Variants in PTPRD observed in about 807,000 individuals in gnomAD.
PTPRD encodes the protein protein tyrosine phosphatase receptor type D, also known as receptor-type tyrosine-protein phosphatase delta.
PTPRD carries 34 observed loss-of-function variants against 214.5 expected under a neutral mutation model. The ratio of observed to expected loss-of-function variants is 0.16; its 90% CI spans 0.12 to 0.21. The LOEUF (loss-of-function observed/expected upper bound fraction) is 0.21. Among genes scored for constraint, PTPRD ranks in the 10% least tolerant of loss-of-function variants. The pLI is 1.00. For missense variants in PTPRD, 2,545 were observed against 2,398.7 expected, an observed-to-expected ratio of 1.06 and a Z score of -1.27; for synonymous variants, 1,128 against 845.7, an observed-to-expected ratio of 1.33 and a Z score of -5.79.
chr9:9,877,564 T>A (rs182420024), intron 5 of PTPRD, among the ~76,000 whole-genome samples: 1 of 152,236 alleles, frequency 6.6e-6, no homozygotes, highest in East Asian at 1.9e-4. Context: ...GGAAGGAGAA[T>A]GTTTTCTGCT....
intron 14 of PTPRD, among the ~76,000 whole-genome samples, chr9:8,573,485 A>T (rs1345244041): frequency 6.6e-6 from 1 of 151,970 alleles, no homozygotes; most frequent in East Asian, 1.9e-4. Flanking sequence ...TACTCTTCAC[A>T]AGTCAGTTCA....
intron 9 of PTPRD, among the ~76,000 whole-genome samples, chr9:9,229,124 A>G (rs1458016194): frequency 6.6e-6 from 1 of 152,178 alleles, no homozygotes; most frequent in African/African-American, 2.4e-5. Flanking sequence ...TTTTTCCAGT[A>G]GAATGATATC....
chr9:9,651,840 T>TG (rs1406192713), intron 7 of PTPRD, among the ~76,000 whole-genome samples: 3 of 135,050 alleles, frequency 2.2e-5, no homozygotes, highest in Non-Finnish European at 4.8e-5. Context: ...TTTTTTTTTT[T>TG]TTTTTTTTTT....
At chr9:9,550,046 T>G (rs1016504739) in intron 8 of PTPRD, among the ~76,000 whole-genome samples, 3 of 152,048 alleles carry the variant, frequency 2.0e-5, no homozygotes, top group Non-Finnish European at 2.9e-5. Context: ...TTGCTGTGAA[T>G]ATATTTTTAA....
At chr9:10,229,243 C>A (rs1215717593) in intron 3 of PTPRD, among the ~76,000 whole-genome samples, 1 of 152,034 alleles carries the variant, frequency 6.6e-6, no homozygotes, top group Non-Finnish European at 1.5e-5. Flanking sequence ...AACACTTTTA[C>A]ACTGTTGGCG....
At chr9:10,206,058 T>A in intron 3 of PTPRD, among the ~76,000 whole-genome samples, 1 of 149,054 alleles carries the variant, frequency 6.7e-6, no homozygotes, top group African/African-American at 2.5e-5. Flanking sequence ...TATTAGAAAC[T>A]CAGAGGTATC....
intron 11 of PTPRD, among the ~76,000 whole-genome samples, chr9:8,788,971 A>G (rs2096112370): frequency 6.6e-6 from 1 of 152,148 alleles, no homozygotes; most frequent in South Asian, 2.1e-4. Flanking sequence ...AAATAACTTT[A>G]TCTAGCTATA....
intron 3 of PTPRD, among the ~76,000 whole-genome samples, chr9:10,199,347 G>T (rs747804323): frequency 4.1e-4 from 63 of 152,026 alleles, no homozygotes; most frequent in Non-Finnish European, 7.8e-4. Flanking sequence ...AATGACCTAC[G>T]TATAATGATA....
chr9:10,104,762 T>C (rs187722425), intron 3 of PTPRD, among the ~76,000 whole-genome samples: 10 of 151,908 alleles, frequency 6.6e-5, no homozygotes, highest in African/African-American at 2.2e-4. Flanking sequence ...AAATTATTTG[T>C]TCAAAAATAT....
At chr9:9,563,486 A>G (rs74917204) in intron 8 of PTPRD, among the ~76,000 whole-genome samples, 5,431 of 152,220 alleles carry the variant, frequency 0.036, 152 homozygotes, top group Middle Eastern at 0.061. Context: ...AGAAAGAAAT[A>G]TGGTGGTAGA....
chr9:9,722,311 A>T (rs937780486), intron 7 of PTPRD, among the ~76,000 whole-genome samples: 2 of 152,100 alleles, frequency 1.3e-5, no homozygotes, highest in African/African-American at 4.8e-5. Flanking sequence ...GGTAAACATA[A>T]TAATAAAATA....
intron 9 of PTPRD, among the ~76,000 whole-genome samples, chr9:9,368,616 C>T (rs2058544451): frequency 6.6e-6 from 1 of 151,810 alleles, no homozygotes; most frequent in Non-Finnish European, 1.5e-5. Flanking sequence ...ATGTCCCACT[C>T]TTAGGGGGAA....
chr9:8,714,849 A>G (rs1389043440), intron 12 of PTPRD, among the ~76,000 whole-genome samples: 1 of 152,038 alleles, frequency 6.6e-6, no homozygotes, highest in Non-Finnish European at 1.5e-5. Context: ...CACATAATAT[A>G]CTTTCCTATT....
chr9:9,925,642 T>C (rs1261629710), intron 5 of PTPRD, among the ~76,000 whole-genome samples: 1 of 152,118 alleles, frequency 6.6e-6, no homozygotes, highest in Non-Finnish European at 1.5e-5. Context: ...AAAACTCTTC[T>C]ACCTTACCTA....
intron 3 of PTPRD, among the ~76,000 whole-genome samples, chr9:10,304,920 T>C (rs1415143183): frequency 2.0e-5 from 3 of 152,162 alleles, no homozygotes; most frequent in Admixed American, 6.5e-5. Flanking sequence ...TTAAAGTTCA[T>C]ATGGAACCAA....
intron 2 of PTPRD, among the ~76,000 whole-genome samples, chr9:10,575,062 T>C (rs1010694066): frequency 4.6e-5 from 7 of 151,984 alleles, no homozygotes; most frequent in African/African-American, 1.4e-4. Context: ...TTTCACATCA[T>C]GATGAGATTA....
At position 10,194,393 on chromosome 9, in the gene PTPRD, G is replaced by A. The variant is rs2099389007; in HGVS notation, c.-545+146570C>T. 5.3e-5 allele frequency among the ~76,000 whole-genome samples: 6 copies of A among 114,058 alleles called. No individual in the cohort carries two copies. The Admixed American group carries it at 5.6e-4, about 11-fold the overall frequency. The allele number at this position is 114,058 out of a possible 152,430, so 74.8% of individuals were successfully genotyped here. The stretch of plus-strand genomic sequence containing the variant: ...AGAGAGAGAGAGAGAGAGAGAGAGA[G>A]AGAGAGCTATTCACATTCATATTTT... On this transcript the variant is annotated intron_variant, in intron 3 of 45. Coordinates refer to ENST00000381196, the MANE Select transcript of PTPRD (RefSeq NM_002839.4).
intron 5 of PTPRD, among the ~76,000 whole-genome samples, chr9:9,814,353 T>C (rs755828263): frequency 6.7e-6 from 1 of 149,152 alleles, no homozygotes; most frequent in Non-Finnish European, 1.5e-5. Context: ...AGCCAAAGTA[T>C]TTGTTTGAAA....
chr9:9,893,056 G>C (rs2073901314), intron 5 of PTPRD, among the ~76,000 whole-genome samples: 1 of 152,024 alleles, frequency 6.6e-6, no homozygotes, highest in African/African-American at 2.4e-5. Flanking sequence ...AGTAGGCAGT[G>C]GGAAGTAAGA....
Sources: allele counts gnomAD v4.1 joint callset (sites outside exome capture counted in the v4.1 genomes callset), GRCh38; gene constraint gnomAD v4.1.1; transcripts MANE v1.5; gene names NCBI Gene and HGNC (gene_info 2026-07-23, HGNC 2026-07-21).